KCNIP4: variants seen among roughly 807,000 people sequenced by gnomAD.
The protein encoded by KCNIP4 is potassium voltage-gated channel interacting protein 4.
In KCNIP4, 12 loss-of-function variants were observed where a neutral mutation model predicts 34.0. The observed-to-expected ratio is 0.35, with a 90% CI of 0.23 to 0.57. The LOEUF is 0.57. Among genes scored for constraint, KCNIP4 ranks in the 20% least tolerant of loss-of-function variants. KCNIP4 has a pLI of 0.83. For synonymous variants in KCNIP4, 124 were observed against 102.2 expected (o/e 1.21, Z -1.29); for missense variants, 238 against 311.7 (o/e 0.76, Z 1.78).
chr4:21,053,279 A>G (rs1439029160), intron 1 of KCNIP4, among the ~76,000 whole-genome samples: 1 of 152,168 alleles, frequency 6.6e-6, no homozygotes, highest in African/African-American at 2.4e-5. Flanking sequence ...GAGAATATGG[A>G]TTTTTGGGTG....
chr4:21,138,641 A>G lies in KCNIP4; in HGVS notation c.62-255932T>C, dbSNP rs75846811. On this transcript the variant is annotated intron_variant, in intron 1 of 8. Coordinates refer to ENST00000382152, the MANE Select transcript of KCNIP4 (RefSeq NM_025221.6). The stretch of plus-strand genomic sequence containing the variant: ...CCAAGAACTATGAAGATGTTAACTT[A>G]CATACTAAAAGGGACTTTGCGTATG... Among the ~76,000 whole-genome samples the G allele has an allele frequency of 1.8e-3, 271 of 152,178 alleles. 2 individuals carry two copies. The highest frequency in any genetic ancestry group is 6.1e-3 in the African/African-American group (252 of 41,522).
intron 1 of KCNIP4, among the ~76,000 whole-genome samples, chr4:21,298,526 A>G (rs886874131): frequency 1.3e-5 from 2 of 151,938 alleles, no homozygotes; most frequent in African/African-American, 4.8e-5. Context: ...CCTTTCTCCA[A>G]TCACCAGCCC....
intron 1 of KCNIP4, among the ~76,000 whole-genome samples, chr4:21,544,189 T>C (rs1340284607): frequency 1.3e-5 from 2 of 152,030 alleles, no homozygotes; most frequent in African/African-American, 2.4e-5. Flanking sequence ...TGACATAGCA[T>C]TGAAAAATAG....
chr4:21,565,876 C>A (rs6825681), intron 1 of KCNIP4, among the ~76,000 whole-genome samples: 5 of 151,996 alleles, frequency 3.3e-5, no homozygotes, highest in South Asian at 2.1e-4. Context: ...TCTGCCAGAC[C>A]AAATCAAAGA....
At chr4:21,105,579 C>T (rs1161763596) in intron 1 of KCNIP4, among the ~76,000 whole-genome samples, 1 of 151,548 alleles carries the variant, frequency 6.6e-6, no homozygotes, top group Non-Finnish European at 1.5e-5. Flanking sequence ...TAATTGAATA[C>T]CATTTATTTC....
intron 1 of KCNIP4, among the ~76,000 whole-genome samples, chr4:21,874,768 A>T (rs1050821015): frequency 6.6e-6 from 1 of 152,194 alleles, no homozygotes; most frequent in African/African-American, 2.4e-5. Flanking sequence ...ATATAAATAC[A>T]TATCACAACA....
At chr4:21,675,220 A>ATT (rs1416095806) in intron 1 of KCNIP4, among the ~76,000 whole-genome samples, 2 of 152,194 alleles carry the variant, frequency 1.3e-5, no homozygotes, top group Non-Finnish European at 2.9e-5. Context: ...GCATATTCTC[A>ATT]TTTATTTGTG....
chr4:21,691,177 G>GACCTA (rs1275005331), intron 1 of KCNIP4, among the ~76,000 whole-genome samples: 1 of 152,186 alleles, frequency 6.6e-6, no homozygotes, highest in African/African-American at 2.4e-5. Context: ...CTCCTGCTTA[G>GACCTA]AGTAGCTTTC....
intron 1 of KCNIP4, among the ~76,000 whole-genome samples, chr4:21,306,421 G>A (rs1311573818): frequency 1.3e-5 from 2 of 152,088 alleles, no homozygotes; most frequent in Non-Finnish European, 2.9e-5. Context: ...CTGTAGCCCA[G>A]GCTTGAGAGC....
At chr4:21,580,109 A>G (rs1741098353) in intron 1 of KCNIP4, among the ~76,000 whole-genome samples, 1 of 152,122 alleles carries the variant, frequency 6.6e-6, no homozygotes, top group Admixed American at 6.6e-5. Flanking sequence ...TTTACTAGCC[A>G]TATCTATGAA....
At chr4:21,865,081 CT>C (rs368547106) in intron 1 of KCNIP4, among the ~76,000 whole-genome samples, 10 of 151,142 alleles carry the variant, frequency 6.6e-5, no homozygotes, top group East Asian at 3.9e-4. Context: ...TATTGCCTCT[CT>C]TTTTTTTTCT....
chr4:21,887,066 T>A (rs544806940), intron 1 of KCNIP4, among the ~76,000 whole-genome samples: 2 of 152,172 alleles, frequency 1.3e-5, no homozygotes, highest in South Asian at 2.1e-4. Flanking sequence ...CAAATTTTTT[T>A]AAAAAGAGAA....
rs73802593 is a variant in KCNIP4 at position 21,378,805 on chromosome 4, T to A, written c.62-496096A>T. Among the ~76,000 whole-genome samples, 1,318 of 152,260 alleles carry A rather than the reference T, an allele frequency of 8.7e-3. 29 individuals are homozygous for A. The highest frequency in any genetic ancestry group is 0.03 in the African/African-American group (1,240 of 41,546). ...TCTCTATATACTTTTCTATTTTTGT[T>A]TAAATTAAAATATAGAAAGGAAATA... is the stretch of plus-strand genomic sequence containing the variant. On this transcript the variant is annotated intron_variant, in intron 1 of 8. Coordinates refer to ENST00000382152, the MANE Select transcript of KCNIP4 (RefSeq NM_025221.6).
chr4:20,896,544 T>C (rs1019339967), intron 1 of KCNIP4, among the ~76,000 whole-genome samples: 4 of 151,726 alleles, frequency 2.6e-5, no homozygotes, highest in Admixed American at 6.6e-5. Flanking sequence ...GAGGCAAAGA[T>C]TGAAGGGAAG....
At chr4:21,864,583 C>A (rs1363315574) in intron 1 of KCNIP4, among the ~76,000 whole-genome samples, 5 of 152,086 alleles carry the variant, frequency 3.3e-5, no homozygotes, top group African/African-American at 1.2e-4. Flanking sequence ...TCCTGGGATT[C>A]CAGAAAATAA....
At chr4:21,884,424 C>T (rs1400296610) in intron 1 of KCNIP4, among the ~76,000 whole-genome samples, 1 of 152,050 alleles carries the variant, frequency 6.6e-6, no homozygotes, top group Non-Finnish European at 1.5e-5. Context: ...CCTCGTCTAG[C>T]CCCACAGTTA....
intron 1 of KCNIP4, among the ~76,000 whole-genome samples, chr4:20,909,047 T>C (rs987873253): frequency 6.6e-6 from 1 of 152,194 alleles, no homozygotes; most frequent in Non-Finnish European, 1.5e-5. Context: ...CTTTAGATGA[T>C]AGAAGGATTA....
At chr4:21,110,751 C>T (rs781774157) in intron 1 of KCNIP4, among the ~76,000 whole-genome samples, 93 of 152,290 alleles carry the variant, frequency 6.1e-4, no homozygotes, top group Non-Finnish European at 1.0e-3. Flanking sequence ...TCTCTCTCTC[C>T]TTCCACCATG....
intron 1 of KCNIP4, among the ~76,000 whole-genome samples, chr4:21,062,149 A>G (rs1743977990): frequency 6.6e-6 from 1 of 152,116 alleles, no homozygotes; most frequent in African/African-American, 2.4e-5. Flanking sequence ...ACTTAGCACT[A>G]ATTTTGTCAT....
Sources: gnomAD v4.1 joint callset for allele counts (sites outside exome capture counted in the v4.1 genomes callset) on GRCh38, gnomAD v4.1.1 for gene constraint, MANE v1.5 for transcripts, NCBI Gene and HGNC (gene_info 2026-07-23, HGNC 2026-07-21) for gene names.